The following GRB10 variants were observed in gnomAD, a reference collection of about 807,000 sequenced individuals.
GRB10 encodes the protein growth factor receptor bound protein 10.
A neutral mutation model predicts 80.9 loss-of-function variants in GRB10; 20 were observed. That is an observed-to-expected ratio of 0.25 (90% confidence interval 0.17 to 0.36). The LOEUF is 0.36. Among genes scored for constraint, GRB10 ranks in the 10% least tolerant of loss-of-function variants. GRB10 has a pLI of 1.00. For synonymous variants in GRB10, 291 were observed against 291.5 expected (o/e 1.00, Z 0.02); for missense variants, 548 against 747.7 (o/e 0.73, Z 3.12).
chr7:50,676,785 C>A (rs1339642212), intron 5 of GRB10, among the ~76,000 whole-genome samples: 1 of 150,296 alleles, frequency 6.7e-6, no homozygotes, highest in East Asian at 1.9e-4. Flanking sequence ...GGCAGGGTCA[C>A]CCCCGGGGGT....
At chr7:50,668,634 T>C (rs1297898936) in intron 7 of GRB10, among the ~76,000 whole-genome samples, 1 of 152,194 alleles carries the variant, frequency 6.6e-6, no homozygotes, top group Non-Finnish European at 1.5e-5. Context: ...ATCCACCACT[T>C]ACGACAAGGC....
In GRB10 at chr7:50,773,424, A is replaced by AGGGGACGGGGAAGGGAAG. The variant is rs1554312092; in HGVS notation, c.-217+7202_-217+7203insCTTCCCTTCCCCGTCCCC. Among the ~76,000 whole-genome samples the AGGGGACGGGGAAGGGAAG allele has an allele frequency of 1.4e-4, 4 of 29,532 alleles. No individual in the cohort carries two copies. The South Asian group carries it at 7.8e-3, about 57-fold the overall frequency. The allele number at this position is 29,532 out of a possible 152,430, so 19.4% of individuals were successfully genotyped here. A position where few individuals can be genotyped will look rare whatever the true frequency, so the allele number is the denominator to read the frequency against. ...AAGGGGAAGGGGAAGGGGACGGGGAAGGGAAGGGGAAGGGGAGAAAGGGGA... is the reference window on the plus strand; with the variant it reads ...AAGGGGAAGGGGAAGGGGACGGGGAAGGGGACGGGGAAGGGAAGGGGAAGGGGAAGGGGAGAAAGGGGA... On this transcript the variant is annotated intron_variant, in intron 2 of 18. Transcript: ENST00000401949.
chr7:50,720,217 A>G (rs2067488554), intron 4 of GRB10, among the ~76,000 whole-genome samples: 1 of 152,256 alleles, frequency 6.6e-6, no homozygotes, highest in South Asian at 2.1e-4. Context: ...GGAAAACCTC[A>G]CAAAAGTTAA....
At chr7:50,723,455 C>T (rs1448230761) in intron 4 of GRB10, among the ~76,000 whole-genome samples, 1 of 152,200 alleles carries the variant, frequency 6.6e-6, no homozygotes, top group African/African-American at 2.4e-5. Flanking sequence ...TCCCATCTTA[C>T]AAATTAGCTG....
chr7:50,609,851 GCTA>G (rs1232549564), intron 13 of GRB10, among the ~76,000 whole-genome samples: 2 of 152,198 alleles, frequency 1.3e-5, no homozygotes, highest in African/African-American at 4.8e-5. Flanking sequence ...ATCTGCTGGC[GCTA>G]CTAAGAGCAT....
At chr7:50,681,179 T>G (rs1227577353) in intron 5 of GRB10, among the ~76,000 whole-genome samples, 1 of 152,198 alleles carries the variant, frequency 6.6e-6, no homozygotes, top group Non-Finnish European at 1.5e-5. Flanking sequence ...CAAATCTCAG[T>G]CTACAACCAC....
At chr7:50,732,224 T>TACAGAAA (rs780780429) in intron 4 of GRB10, 48 bp downstream of exon 4, 2 of 1,588,780 alleles carry the variant, frequency 1.3e-6, no homozygotes, top group Non-Finnish European at 1.7e-6. Context: ...GCCCTGGCCC[T>TACAGAAA]CGACCAGCAC....
intron 4 of GRB10, chr7:50,710,833 C>T: frequency 3.1e-6 from 5 of 1,604,762 alleles, no homozygotes; most frequent in Non-Finnish European, 3.4e-6. Flanking sequence ...GCTTGCCCAG[C>T]AACTAAAGGT....
intron 2 of GRB10, among the ~76,000 whole-genome samples, chr7:50,778,198 A>G (rs191537328): frequency 6.6e-6 from 1 of 152,344 alleles, no homozygotes; most frequent in African/African-American, 2.4e-5. Flanking sequence ...GTCATAATAC[A>G]TTGTGGCACA....
chr7:50,626,461 C>T (rs916475358), intron 8 of GRB10, among the ~76,000 whole-genome samples: 4 of 152,224 alleles, frequency 2.6e-5, no homozygotes, highest in Non-Finnish European at 5.9e-5. Flanking sequence ...GGCCAGCTCT[C>T]TCCAGAGCAC....
At chr7:50,727,455 C>A (rs984843585) in intron 4 of GRB10, among the ~76,000 whole-genome samples, 1 of 152,004 alleles carries the variant, frequency 6.6e-6, no homozygotes, top group Middle Eastern at 3.2e-3. Context: ...AAATGGTAAG[C>A]GAACAAACAA....
chr7:50,714,322 G>A (rs1462611479), intron 4 of GRB10, among the ~76,000 whole-genome samples: 2 of 152,102 alleles, frequency 1.3e-5, no homozygotes, highest in Non-Finnish European at 2.9e-5. Context: ...TACCACAAGA[G>A]GATCAGTGAC....
At chr7:50,603,063 T>A (rs1316469076) in intron 17 of GRB10, among the ~76,000 whole-genome samples, 1 of 152,194 alleles carries the variant, frequency 6.6e-6, no homozygotes, top group African/African-American at 2.4e-5. Context: ...GTAATAAAAC[T>A]TTTTGTAAAA....
At chr7:50,597,961 T>G (rs977091105) in intron 17 of GRB10, among the ~76,000 whole-genome samples, 3 of 152,124 alleles carry the variant, frequency 2.0e-5, no homozygotes, top group Non-Finnish European at 4.4e-5. Context: ...CCTCCTAGGT[T>G]CAAGCGATTC....
chr7:50,600,402 T>C (rs556088776), intron 17 of GRB10, among the ~76,000 whole-genome samples: 4 of 152,274 alleles, frequency 2.6e-5, no homozygotes, highest in South Asian at 4.1e-4. Flanking sequence ...TTTGGAGCAA[T>C]TGTAAAGCCA....
At chr7:50,599,378 A>C (rs544299886) in intron 17 of GRB10, among the ~76,000 whole-genome samples, 2 of 152,316 alleles carry the variant, frequency 1.3e-5, no homozygotes, top group South Asian at 4.1e-4. Context: ...TTAACTCTTT[A>C]AACTGGCTTG....
At chr7:50,625,343 T>A (rs1322228558) in intron 8 of GRB10, among the ~76,000 whole-genome samples, 2 of 152,156 alleles carry the variant, frequency 1.3e-5, no homozygotes, top group African/African-American at 4.8e-5. Context: ...TCAACAATAA[T>A]CATTGTATTT....
At chr7:50,783,745 G>A (rs571765649), upstream of GRB10, among the ~76,000 whole-genome samples, 147 of 152,324 alleles carry the variant, frequency 9.7e-4, no homozygotes, top group African/African-American at 3.5e-3. Context: ...ACAGTCAACA[G>A]TGGACAATGG....
chr7:50,712,426 A>G (rs2066036639), intron 4 of GRB10, among the ~76,000 whole-genome samples: 1 of 152,240 alleles, frequency 6.6e-6, no homozygotes, highest in Non-Finnish European at 1.5e-5. Context: ...ATCAAGGAAC[A>G]AGGGGGATGC....
Sources: allele counts gnomAD v4.1 joint callset (sites outside exome capture counted in the v4.1 genomes callset), GRCh38; gene constraint gnomAD v4.1.1; transcripts MANE v1.5; gene names NCBI Gene and HGNC (gene_info 2026-07-23, HGNC 2026-07-21).